Variants in FLT3 observed in about 807,000 individuals in gnomAD.
FLT3 encodes fms related receptor tyrosine kinase 3.
FLT3 carries 46 observed loss-of-function variants against 126.6 expected under a neutral mutation model. That is an observed-to-expected ratio of 0.36 (90% CI 0.29 to 0.46). FLT3 has a LOEUF of 0.46. Among genes scored for constraint, FLT3 ranks in the 20% least tolerant of loss-of-function variants. The probability of loss-of-function intolerance (pLI) is 1.00; values close to 1 mark genes in which losing one functional copy is unlikely to be tolerated. For synonymous variants in FLT3, 404 were observed against 434.4 expected (o/e 0.93, Z 0.87); for missense variants, 1,069 against 1,190.3 (o/e 0.90, Z 1.50).
chr13:28,078,386 C>T (rs956619448), intron 1 of FLT3, among the ~76,000 whole-genome samples: 3 of 152,234 alleles, frequency 2.0e-5, no homozygotes, highest in Admixed American at 6.5e-5. Flanking sequence ...CTGAACACCA[C>T]GTGGAAGCTG....
chr13:28,076,765 A>G (rs978332177), intron 1 of FLT3, among the ~76,000 whole-genome samples: 9 of 152,138 alleles, frequency 5.9e-5, no homozygotes, highest in Non-Finnish European at 8.8e-5. Flanking sequence ...CTGTCTCTAC[A>G]AAAAATACAA....
At chr13:28,060,429 A>T (rs1161154692) in intron 3 of FLT3, among the ~76,000 whole-genome samples, 1 of 149,108 alleles carries the variant, frequency 6.7e-6, no homozygotes, top group African/African-American at 2.5e-5. Context: ...CTCAAAAAAA[A>T]AAAAAAATTC....
At chr13:28,091,202 A>ATTTTTTT (rs1216841402) in intron 1 of FLT3, among the ~76,000 whole-genome samples, 1 of 34,144 alleles carries the variant, frequency 2.9e-5, no homozygotes, top group Admixed American at 3.0e-4. Flanking sequence ...TTTGGGCCCC[A>ATTTTTTT]TTTTCTTTTT....
intron 6 of FLT3, 73 bp downstream of exon 6, chr13:28,050,022 A>G: frequency 1.3e-6 from 2 of 1,501,820 alleles, no homozygotes; most frequent in South Asian, 2.3e-5. Context: ...TCACCTACGC[A>G]GTTACTGTTA....
At chr13:28,056,915 G>C (rs949689721) in intron 4 of FLT3, among the ~76,000 whole-genome samples, 2 of 152,170 alleles carry the variant, frequency 1.3e-5, no homozygotes, top group East Asian at 3.8e-4. Flanking sequence ...ATCACGCTGA[G>C]ACCTTCCAAT....
At chr13:28,097,429 T>G (rs182637229) in intron 1 of FLT3, among the ~76,000 whole-genome samples, 54 of 151,994 alleles carry the variant, frequency 3.6e-4, no homozygotes, top group Non-Finnish European at 6.2e-4. Flanking sequence ...TTTTTCAGTT[T>G]AAACAACAGG....
intron 3 of FLT3, among the ~76,000 whole-genome samples, chr13:28,060,477 AAAAG>A (rs1285992344): frequency 2.0e-5 from 3 of 150,992 alleles, no homozygotes; most frequent in Non-Finnish European, 4.4e-5. Flanking sequence ...AAAAAAAAAA[AAAAG>A]AAAAAGGAAA....
At chr13:28,015,131 C>T in intron 22 of FLT3, 26 bp downstream of exon 22, 2 of 1,428,234 alleles carry the variant, frequency 1.4e-6, no homozygotes, top group Non-Finnish European at 2.0e-6. Context: ...TGATTTCAAC[C>T]AAATTACAGT....
intron 4 of FLT3, among the ~76,000 whole-genome samples, chr13:28,056,463 C>T (rs1876008613): frequency 6.6e-6 from 1 of 152,156 alleles, no homozygotes; most frequent in South Asian, 2.1e-4. Flanking sequence ...CTGCACTGGC[C>T]CCTAAAGGCA....
intron 1 of FLT3, among the ~76,000 whole-genome samples, chr13:28,072,347 T>C (rs1473383816): frequency 6.6e-6 from 1 of 152,130 alleles, no homozygotes; most frequent in Non-Finnish European, 1.5e-5. Context: ...TTTTTCTTTT[T>C]CTTTTTTGGT....
chr13:28,054,900 A>G (rs73439168), intron 4 of FLT3, among the ~76,000 whole-genome samples: 3,180 of 152,140 alleles, frequency 0.021, 96 homozygotes, highest in African/African-American at 0.071. Context: ...TGAAATGCCT[A>G]CTCATGTCCT....
chr13:28,039,408 G>T (rs1874146009), intron 9 of FLT3, among the ~76,000 whole-genome samples: 1 of 151,750 alleles, frequency 6.6e-6, no homozygotes, highest in African/African-American at 2.4e-5. Context: ...TCACCATGTT[G>T]GCCAGGATGA....
chr13:28,023,243 A>G (rs1216957771), intron 19 of FLT3, 107 bp downstream of exon 19: 2 of 1,206,962 alleles, frequency 1.7e-6, no homozygotes, highest in Non-Finnish European at 1.2e-6. Flanking sequence ...AACAGGGGAG[A>G]AAAGGCAGAC....
intron 21 of FLT3, 70 bp downstream of exon 21, chr13:28,015,520 T>TGGGGGGGGG (rs200228177): frequency 2.2e-6 from 1 of 451,442 alleles, no homozygotes; most frequent in African/African-American, 2.6e-5. Context: ...GGGGGAGGGG[T>TGGGGGGGGG]GGGGCGGCAC....
chr13:28,054,514 G>C (rs1488665519), intron 4 of FLT3, among the ~76,000 whole-genome samples: 1 of 151,984 alleles, frequency 6.6e-6, no homozygotes, highest in Non-Finnish European at 1.5e-5. Flanking sequence ...TTGAGCCCAG[G>C]AGTTCGAGAC....
chr13:28,070,349 G>T, intron 2 of FLT3, 142 bp downstream of exon 2: 1 of 633,476 alleles, frequency 1.6e-6, no homozygotes, highest in Non-Finnish European at 2.7e-6. Context: ...GAGTATAGAT[G>T]CTCTGTTGGT....
chr13:28,047,296 T>C (rs1454759291), intron 9 of FLT3, among the ~76,000 whole-genome samples: 1 of 152,212 alleles, frequency 6.6e-6, no homozygotes, highest in Non-Finnish European at 1.5e-5. Context: ...TCTCATAGCC[T>C]AGTCCAAAAC....
chr13:28,048,382 C>A lies in FLT3; in HGVS notation c.1098G>T (p.Glu366Asp). Residue 366 changes from glutamate to aspartate, a missense_variant, in exon 9 of 24, where the codon GAG becomes GAT. Transcript: ENST00000241453. ...SEDYEIDQYEEFCFSVRFKAY... is the reference protein window; with the variant it reads ...SEDYEIDQYEDFCFSVRFKAY... ...CTTTAAACCTGACAGAAAAACAAAA[C>A]TCTTCATATTGGTCAATTTCATAAT... is the stretch of plus-strand genomic sequence containing the variant. 2.5e-6 allele frequency: 4 copies of A among 1,611,822 alleles called. No individual in the cohort carries two copies. Among genetic ancestry groups the A allele is most frequent in the South Asian group, 2.2e-5 (2 of 91,014 alleles).
chr13:28,054,479 A>G (rs1408699943), intron 4 of FLT3, among the ~76,000 whole-genome samples: 2 of 151,814 alleles, frequency 1.3e-5, no homozygotes, highest in African/African-American at 4.8e-5. Context: ...CCCAGCACTT[A>G]GGGAGGGTGA....
Sources: gnomAD v4.1 joint callset for allele counts (sites outside exome capture counted in the v4.1 genomes callset) on GRCh38, gnomAD v4.1.1 for gene constraint, MANE v1.5 for transcripts, NCBI Gene and HGNC (gene_info 2026-07-23, HGNC 2026-07-21) for gene names.